Variants in FHIT observed in about 807,000 individuals in gnomAD.
The protein encoded by FHIT is bis(5'-adenosyl)-triphosphatase.
FHIT carries 19 observed loss-of-function variants against 17.9 expected under a neutral mutation model. The observed-to-expected ratio is 1.06, with a 90% CI of 0.74 to 1.56. The LOEUF is 1.56. FHIT is among the 40% of genes most tolerant of loss of function. The pLI is 0.00. For missense variants in FHIT, 248 were observed against 189.2 expected, an observed-to-expected ratio of 1.31 and a Z score of -1.82; for synonymous variants, 81 against 69.7, an observed-to-expected ratio of 1.16 and a Z score of -0.81.
At chr3:59,929,363 G>GTTTTTTTT (rs869243844) in intron 7 of FHIT, among the ~76,000 whole-genome samples, 169 of 67,086 alleles carry the variant, frequency 2.5e-3, no homozygotes, top group Non-Finnish European at 3.1e-3. Flanking sequence ...TGTTTTTTTG[G>GTTTTTTTT]TTTTTTTTTT....
At chr3:60,788,048 G>C (rs1365270885) in intron 4 of FHIT, among the ~76,000 whole-genome samples, 1 of 152,188 alleles carries the variant, frequency 6.6e-6, no homozygotes, top group Non-Finnish European at 1.5e-5. Context: ...CATGACTTCA[G>C]TGTTAATGAA....
Position 60,173,915 on chromosome 3 carries a change from A to ATATATATATATTTTTTTTTTT in FHIT, c.104-159764_104-159763insAAAAAAAAAAATATATATATA. 1.0e-3 allele frequency among the ~76,000 whole-genome samples: 68 copies of ATATATATATATTTTTTTTTTT among 66,406 alleles called. 1 individual carries two copies. The highest frequency in any genetic ancestry group is 1.7e-3 in the Non-Finnish European group (63 of 36,094). 43.6% of individuals were successfully genotyped at this position (66,406 alleles called of 152,430 possible). On this transcript the variant is annotated intron_variant, in intron 5 of 9. Transcript: ENST00000492590. ...TATATATATATATATATATATATATATGTTTTTTTTTTTTTTTGAGATCGA... is the reference window on the plus strand; with the variant it reads ...TATATATATATATATATATATATATATATATATATATTTTTTTTTTTTGTTTTTTTTTTTTTTTGAGATCGA...
In FHIT at chr3:60,860,710, CAT is replaced by C. The variant is rs1364549871; in HGVS notation, c.-110-38701_-110-38700del. ...TATCAGGTATATATGTACATATGTA[CAT>C]ATATATCAGGTATATATGTACATAT... On this transcript the variant is annotated intron_variant, in intron 3 of 9. Coordinates refer to ENST00000492590, the MANE Select transcript of FHIT (RefSeq NM_002012.4). 2.6e-4 allele frequency among the ~76,000 whole-genome samples: 27 copies of C among 105,160 alleles called. 2 individuals carry two copies. Among genetic ancestry groups the C allele is most frequent in the Admixed American group, 4.0e-4 (4 of 10,052 alleles). 69.0% of individuals were successfully genotyped at this position (105,160 alleles called of 152,430 possible). A position where few individuals can be genotyped will look rare whatever the true frequency, so the allele number is the denominator to read the frequency against.
Position 60,626,027 on chromosome 3 carries a change from T to C in FHIT, c.-17-89048A>G, listed in dbSNP as rs545801119. ...CCATGAATTGTCTTGGCAGCACTTT[T>C]GAAAATCAGTTGATAGTAAATGTGA... On this transcript the variant is annotated intron_variant, in intron 4 of 9. Coordinates refer to ENST00000492590, the MANE Select transcript of FHIT (RefSeq NM_002012.4). 2.8e-4 allele frequency among the ~76,000 whole-genome samples: 43 copies of C among 152,218 alleles called. 1 individual carries two copies. Among genetic ancestry groups the C allele is most frequent in the Non-Finnish European group, 5.6e-4 (38 of 68,028 alleles).
At chr3:60,067,960 G>A (rs1183550455) in intron 5 of FHIT, among the ~76,000 whole-genome samples, 1 of 152,198 alleles carries the variant, frequency 6.6e-6, no homozygotes, top group Non-Finnish European at 1.5e-5. Context: ...CAGGGGCCCA[G>A]CATGGTGGCT....
At chr3:60,277,629 AT>A (rs1233617766) in intron 5 of FHIT, among the ~76,000 whole-genome samples, 1 of 151,996 alleles carries the variant, frequency 6.6e-6, no homozygotes, top group Non-Finnish European at 1.5e-5. Context: ...CGTCCAACCA[AT>A]CTTTGGGCCC....
chr3:59,910,239 A>G (rs1704803592), intron 8 of FHIT, among the ~76,000 whole-genome samples: 1 of 152,156 alleles, frequency 6.6e-6, no homozygotes. Context: ...AGGCAAGAAG[A>G]CTCTAAGTGG....
chr3:60,596,615 A>G (rs1370188436), intron 4 of FHIT, among the ~76,000 whole-genome samples: 3 of 152,072 alleles, frequency 2.0e-5, no homozygotes, highest in Non-Finnish European at 4.4e-5. Context: ...CTCATAGTAA[A>G]GGAATCTGCA....
chr3:60,311,196 TTC>T (rs1169591025), intron 5 of FHIT, among the ~76,000 whole-genome samples: 2 of 148,190 alleles, frequency 1.3e-5, no homozygotes. Flanking sequence ...TACTTTGTCT[TTC>T]TGTTTTCTTT....
chr3:60,505,141 C>G (rs1268385900), intron 5 of FHIT, among the ~76,000 whole-genome samples: 1 of 152,160 alleles, frequency 6.6e-6, no homozygotes, highest in Non-Finnish European at 1.5e-5. Flanking sequence ...GGGCAGAAAT[C>G]TATCTGAAAC....
intron 2 of FHIT, among the ~76,000 whole-genome samples, chr3:61,170,203 GGAATTTACAATCCAC>G (rs1355289499): frequency 1.3e-5 from 2 of 151,980 alleles, no homozygotes; most frequent in East Asian, 3.9e-4. Context: ...TTGTCCTCAA[GGAATTTACAATCCAC>G]TGAAAAGAGA....
At chr3:60,983,146 T>C (rs1426486983) in intron 3 of FHIT, among the ~76,000 whole-genome samples, 1 of 151,974 alleles carries the variant, frequency 6.6e-6, no homozygotes, top group Non-Finnish European at 1.5e-5. Flanking sequence ...TGTGTGTGTG[T>C]GTGTGTGTGT....
intron 7 of FHIT, among the ~76,000 whole-genome samples, chr3:59,959,537 G>T (rs1007780736): frequency 2.0e-5 from 3 of 152,186 alleles, no homozygotes; most frequent in Admixed American, 6.5e-5. Context: ...GAGATCTCAT[G>T]ACAGGAAACT....
At chr3:60,256,252 C>T (rs1387733770) in intron 5 of FHIT, among the ~76,000 whole-genome samples, 2 of 152,288 alleles carry the variant, frequency 1.3e-5, no homozygotes, top group Admixed American at 6.5e-5. Flanking sequence ...CTCTTCCTGG[C>T]CTCCATATGC....
intron 4 of FHIT, among the ~76,000 whole-genome samples, chr3:60,792,100 C>T (rs960988195): frequency 1.3e-5 from 2 of 152,202 alleles, no homozygotes; most frequent in Admixed American, 6.5e-5. Flanking sequence ...TTGGGAGATG[C>T]CCTGACGGCA....
intron 3 of FHIT, among the ~76,000 whole-genome samples, chr3:60,887,142 A>C (rs1705262248): frequency 2.0e-5 from 3 of 152,188 alleles, no homozygotes; most frequent in African/African-American, 7.2e-5. Context: ...GCAGTTATGT[A>C]ACTTGCTTCT....
At chr3:60,804,149 G>A (rs1195184317) in intron 4 of FHIT, among the ~76,000 whole-genome samples, 3 of 152,174 alleles carry the variant, frequency 2.0e-5, no homozygotes, top group Non-Finnish European at 4.4e-5. Flanking sequence ...CAGAGAGCCT[G>A]AAAAACACTT....
chr3:59,954,229 T>G (rs1478106489), intron 7 of FHIT, among the ~76,000 whole-genome samples: 1 of 150,334 alleles, frequency 6.7e-6, no homozygotes, highest in South Asian at 2.1e-4. Flanking sequence ...CTGTTTTTTT[T>G]TCTTTTTTTT....
At chr3:60,375,096 C>T (rs1451798989) in intron 5 of FHIT, among the ~76,000 whole-genome samples, 1 of 109,282 alleles carries the variant, frequency 9.2e-6, no homozygotes, top group African/African-American at 3.9e-5. Flanking sequence ...ATTCCTTTTG[C>T]TCCTTTTGAA....
Sources: gnomAD v4.1 joint callset for allele counts (sites outside exome capture counted in the v4.1 genomes callset) on GRCh38, gnomAD v4.1.1 for gene constraint, MANE v1.5 for transcripts, NCBI Gene and HGNC (gene_info 2026-07-23, HGNC 2026-07-21) for gene names.